The following ITGA7 variants were observed in gnomAD, a reference collection of about 807,000 sequenced individuals.
ITGA7 encodes integrin alpha-7.
In ITGA7, 84 loss-of-function variants were observed where a neutral mutation model predicts 131.6. The observed-to-expected ratio is 0.64, with a 90% CI of 0.54 to 0.77. The LOEUF (loss-of-function observed/expected upper bound fraction) is 0.77. ITGA7 is among the 30% of genes least tolerant of loss of function. ITGA7 has a pLI of 0.00. For synonymous variants in ITGA7, 548 were observed against 600.7 expected (o/e 0.91, Z 1.28); for missense variants, 1,399 against 1,482.9 (o/e 0.94, Z 0.93).
At chr12:55,699,731 C>T in intron 5 of ITGA7, 139 bp downstream of exon 5, 1 of 1,149,984 alleles carries the variant, frequency 8.7e-7, no homozygotes, top group South Asian at 1.3e-5. Context: ...CTCTTCTCTG[C>T]AATTTGGGCC....
upstream of ITGA7, chr12:55,712,057 A>G: frequency 1.3e-6 from 2 of 1,550,460 alleles, no homozygotes; most frequent in Non-Finnish European, 8.7e-7. Context: ...TTTTTACTTC[A>G]CTCACCTCTC....
At position 55,696,931 on chromosome 12, in the gene ITGA7, G is replaced by C; in HGVS notation, c.1705C>G (p.Arg569Gly). ...GTVWLKHQHD[R>G]VCGDAMFQLQ... ...TGGAACATGGCGTCTCCACAGACTCGGTCATGCTGGTGCTTCAGCCACACG... is the reference window on the plus strand; with the variant it reads ...TGGAACATGGCGTCTCCACAGACTCCGTCATGCTGGTGCTTCAGCCACACG... The change falls in exon 12 of 25, where the codon CGA (arginine) becomes GGA (glycine). Residue 569 changes from arginine (R) to glycine (G), a missense_variant. Physicochemically the swap from Arg to Gly is moderately radical, Grantham distance 125. Coordinates refer to ENST00000257879, the MANE Select transcript of ITGA7 (RefSeq NM_002206.3). The C allele has an allele frequency of 6.2e-7, 1 of 1,614,188 alleles. No homozygotes were observed. Among genetic ancestry groups the C allele is most frequent in the Non-Finnish European group, 8.5e-7 (1 of 1,180,036 alleles).
At chr12:55,712,146 A>G, upstream of ITGA7, 1 of 1,551,506 alleles carries the variant, frequency 6.4e-7, no homozygotes, top group South Asian at 1.2e-5. Context: ...TGGGAGGAAA[A>G]GAACATAAAT....
intron 5 of ITGA7, 174 bp downstream of exon 5, chr12:55,699,696 T>C (rs1052632647): frequency 1.3e-5 from 11 of 848,936 alleles, no homozygotes; most frequent in Non-Finnish European, 2.1e-5. Flanking sequence ...GGCCTCCTCC[T>C]CTTAGGCCTG....
chr12:55,703,336 G>C (rs1302517123), intron 1 of ITGA7, among the ~76,000 whole-genome samples, 158 bp from the exon 2 acceptor site: 1 of 151,994 alleles, frequency 6.6e-6, no homozygotes, highest in Non-Finnish European at 1.5e-5. Context: ...CCCTGGCAAG[G>C]ACAAATTAAT....
At chr12:55,710,098 C>T (rs1875937909), upstream of ITGA7, among the ~76,000 whole-genome samples, 1 of 152,174 alleles carries the variant, frequency 6.6e-6, no homozygotes, top group Admixed American at 6.5e-5. Flanking sequence ...CGGTGGCTCA[C>T]GCCTATAATC....
chr12:55,685,038 C>T lies in ITGA7; in HGVS notation c.*20G>A, dbSNP rs781182880. On this transcript the variant is annotated 3_prime_UTR_variant, in exon 25 of 25. Transcript: ENST00000257879. ...GGAAGGGATGGAGGGCAGCCACAGG[C>T]CAGGCTGGGACATGGGAACCTAGGC... 5 of 1,553,452 alleles carry T rather than the reference C, an allele frequency of 3.2e-6. No homozygotes were observed. In the South Asian group the frequency reaches 6.1e-5, roughly 19 times the overall value.
chr12:55,698,797 C>T lies in ITGA7; in HGVS notation c.911G>A (p.Arg304His), dbSNP rs768455364. Reference protein sequence around the residue: ...VVILRKDSASRLVPEVMLSGE... With the variant: ...VVILRKDSASHLVPEVMLSGE... ...AGACAGCATAACCTCGGGCACCAGG[C>T]GACTGGCGCTGTCCTTGCGCAGGAT... The change falls in exon 6 of 25, where the codon CGC (arginine) becomes CAC (histidine). Residue 304 changes from arginine (R) to histidine (H), a missense_variant. Coordinates refer to ENST00000257879, the MANE Select transcript of ITGA7 (RefSeq NM_002206.3). 1.9e-5 allele frequency: 31 copies of T among 1,614,006 alleles called. No homozygotes were observed. The South Asian group carries it at 2.4e-4, about 13-fold the overall frequency.
Position 55,707,820 on chromosome 12 carries a change from G to GCCCCGA in ITGA7, c.-139_-138insTCGGGG. On this transcript the variant is annotated 5_prime_UTR_variant, in exon 1 of 25. Transcript: ENST00000257879. ...CGTCTCCCAGACGTTCGCCCCGCCA[G>GCCCCGA]CCCTCCCGCCCGCCCGCCGCTCCGC... is the stretch of plus-strand genomic sequence containing the variant. 1 of 1,455,778 alleles carries GCCCCGA rather than the reference G, an allele frequency of 6.9e-7. No homozygotes were observed. Among genetic ancestry groups the GCCCCGA allele is most frequent in the Non-Finnish European group, 9.1e-7 (1 of 1,102,490 alleles). 90.2% of individuals were successfully genotyped at this position (1,455,778 alleles called of 1,614,324 possible).
upstream of ITGA7, chr12:55,715,977 C>T (rs1223903889): frequency 1.8e-5 from 27 of 1,464,266 alleles, no homozygotes; most frequent in Admixed American, 2.7e-5. Context: ...CTCTACCTCT[C>T]TTCCCCGCCA....
rs550342721 is a variant in ITGA7 at position 55,694,518 on chromosome 12, G to C, written c.2282C>G (p.Thr761Ser). 3 of 1,614,216 alleles carry C rather than the reference G, an allele frequency of 1.9e-6. No individual in the cohort carries two copies. The highest frequency in any genetic ancestry group is 2.5e-6 in the Non-Finnish European group (3 of 1,180,030). Residue 761 changes from threonine to serine, a missense_variant, in exon 17 of 25, where the codon ACC (threonine) becomes AGC (serine). Coordinates refer to ENST00000257879, the MANE Select transcript of ITGA7 (RefSeq NM_002206.3). The surrounding 1 kb of genome is among the most constrained non-coding windows in gnomAD (Gnocchi z 5.3). The stretch of plus-strand genomic sequence containing the variant: ...GGAGGTGCTAAGGATGAGGTAGAAG[G>C]TGACCTAGGCCAAGGGTGGAAAGAG... The part of the protein sequence containing the change: ...GNPMKRGAQV[T>S]FYLILSTSGI...
intron 8 of ITGA7, 37 bp downstream of exon 8, chr12:55,697,900 AC>A (rs760808940): frequency 1.9e-6 from 3 of 1,613,604 alleles, no homozygotes; most frequent in South Asian, 1.1e-5. Context: ...TGCTGATTCC[AC>A]CCACACCCAT....
At chr12:55,698,220 GA>G in intron 7 of ITGA7, 162 bp downstream of exon 7, 1 of 861,612 alleles carries the variant, frequency 1.2e-6, no homozygotes, top group Non-Finnish European at 1.8e-6. Flanking sequence ...AAAAGGTTAG[GA>G]ACTTGCCAAG....
chr12:55,707,658 G>C lies in ITGA7; in HGVS notation c.25C>G (p.Pro9Ala). 1 of 1,588,898 alleles carries C rather than the reference G, an allele frequency of 6.3e-7. No individual in the cohort carries two copies. Among genetic ancestry groups the C allele is most frequent in the Non-Finnish European group, 8.6e-7 (1 of 1,167,482 alleles). Residue 9 changes from proline to alanine, a missense_variant, in exon 1 of 25, where the codon CCT becomes GCT. Transcript: ENST00000257879. MAGARSRD[P>A]WGASGICYLF... Reference sequence around the variant, plus strand: ...TAGCAAATCCCGGAGGCCCCCCAAGGGTCGCGGCTCCGAGCCCCGGCCATG... The same window carrying C: ...TAGCAAATCCCGGAGGCCCCCCAAGCGTCGCGGCTCCGAGCCCCGGCCATG...
chr12:55,702,522 T>C (rs554937302), intron 3 of ITGA7, among the ~76,000 whole-genome samples: 1 of 152,200 alleles, frequency 6.6e-6, no homozygotes, highest in Non-Finnish European at 1.5e-5. Flanking sequence ...GCCATGTTGG[T>C]CCGGCTGGTC....
At chr12:55,688,172 C>A in intron 23 of ITGA7, 30 bp downstream of exon 23, 1 of 1,613,660 alleles carries the variant, frequency 6.2e-7, no homozygotes. Flanking sequence ...AGAGAGTCCT[C>A]CCCACCTATC....
chr12:55,704,940 C>A (rs1315677943), intron 1 of ITGA7, among the ~76,000 whole-genome samples: 1 of 152,198 alleles, frequency 6.6e-6, no homozygotes. Context: ...TAGAAGTGGC[C>A]ATCTCTCTGA....
chr12:55,701,508 C>T, intron 3 of ITGA7: 1 of 1,290,412 alleles, frequency 7.7e-7, no homozygotes. Context: ...AAGCTTGGCC[C>T]TGTCCCTGGA....
At chr12:55,695,741 C>T in intron 13 of ITGA7, 104 bp from the exon 14 acceptor site, 1 of 780,060 alleles carries the variant, frequency 1.3e-6, no homozygotes, top group Admixed American at 1.9e-5. Context: ...ATTAAACAAC[C>T]TGTCCTCAAC....
Sources: gnomAD v4.1 joint callset for allele counts (sites outside exome capture counted in the v4.1 genomes callset) on GRCh38, gnomAD v4.1.1 for gene constraint, Gnocchi (gnomAD v3.1) non-coding constraint, MANE v1.5 for transcripts, NCBI Gene and HGNC (gene_info 2026-07-23, HGNC 2026-07-21) for gene names.